The following ARHGEF7 variants were observed in gnomAD, a reference collection of about 807,000 sequenced individuals.
ARHGEF7 encodes the protein Rho guanine nucleotide exchange factor 7, also known as PAK-interacting exchange factor beta.
Under a neutral mutation model 109.8 loss-of-function variants are expected in ARHGEF7, and 33 were observed. The observed-to-expected ratio is 0.30, with a 90% confidence interval of 0.23 to 0.40. The LOEUF (loss-of-function observed/expected upper bound fraction) is 0.40. Among genes scored for constraint, ARHGEF7 ranks in the 10% least tolerant of loss-of-function variants. The probability of loss-of-function intolerance (pLI) is 1.00; values close to 1 mark genes in which losing one functional copy is unlikely to be tolerated. For synonymous variants in ARHGEF7, 458 were observed against 424.6 expected, an observed-to-expected ratio of 1.08 and a Z score of -0.97; for missense variants, 938 against 1,098.5, an observed-to-expected ratio of 0.85 and a Z score of 2.07.
Position 111,303,177 on chromosome 13 carries a change from A to T in ARHGEF7, c.*64A>T. 1 of 1,393,642 alleles carries T rather than the reference A, an allele frequency of 7.2e-7. No homozygotes were observed. The highest frequency in any genetic ancestry group is 9.6e-7 in the Non-Finnish European group (1 of 1,036,916). 86.3% of individuals were successfully genotyped at this position (1,393,642 alleles called of 1,614,324 possible). A position where few individuals can be genotyped will look rare whatever the true frequency, so the allele number is the denominator to read the frequency against. On this transcript the variant is annotated 3_prime_UTR_variant, in exon 22 of 22. Transcript: ENST00000646102. ...AGGTGAAGCTGGGCACCCCTGACCC[A>T]AGTCGGGGTGCACTCAGGACCACAG...
At chr13:111,150,948 G>A (rs933253835) in intron 1 of ARHGEF7, among the ~76,000 whole-genome samples, 1 of 152,178 alleles carries the variant, frequency 6.6e-6, no homozygotes, top group Non-Finnish European at 1.5e-5. Context: ...AGCAGTGGTG[G>A]AACCAATCCC....
chr13:111,216,478 CT>C, intron 4 of ARHGEF7, among the ~76,000 whole-genome samples: 1 of 151,560 alleles, frequency 6.6e-6, no homozygotes, highest in Non-Finnish European at 1.5e-5. Context: ...CTGGACTCTG[CT>C]GATGTCGCTG....
At chr13:111,193,538 T>G (rs183674623) in intron 2 of ARHGEF7, among the ~76,000 whole-genome samples, 2 of 152,386 alleles carry the variant, frequency 1.3e-5, no homozygotes, top group African/African-American at 4.8e-5. Flanking sequence ...TCCCTTTCTT[T>G]CCATATTGCA....
Position 111,300,753 on chromosome 13 carries a change from C to A in ARHGEF7, c.2317C>A (p.Arg773Ser). ...SYRMGSTSRS[R>S]KESAPQVLLP... ...TTATTTTTTCATGATCCTAGGTTCA[C>A]GCAAAGAATCTGCTCCACAAGTTTT... Residue 773 changes from arginine to serine, a missense_variant, in exon 20 of 22, where the codon CGC becomes AGC. By Grantham distance (110) the Arg-to-Ser change is moderately radical. This residue lies in a region of ARHGEF7 where 166 missense variants were observed against 167.3 expected (regional missense o/e 0.99). Coordinates refer to ENST00000646102, the MANE Select transcript of ARHGEF7 (RefSeq NM_001354046.2). 6.2e-7 allele frequency: 1 copy of A among 1,603,322 alleles called. No individual in the cohort carries two copies. Among genetic ancestry groups the A allele is most frequent in the Non-Finnish European group, 8.5e-7 (1 of 1,174,876 alleles).
intron 1 of ARHGEF7, among the ~76,000 whole-genome samples, chr13:111,150,376 A>G (rs1043468262): frequency 2.0e-5 from 3 of 152,186 alleles, no homozygotes; most frequent in Non-Finnish European, 2.9e-5. Context: ...CTATGCTCCC[A>G]TGTTTTGCCA....
At chr13:111,299,881 T>C (rs1292538604) in intron 19 of ARHGEF7, among the ~76,000 whole-genome samples, 1 of 152,242 alleles carries the variant, frequency 6.6e-6, no homozygotes, top group Non-Finnish European at 1.5e-5. Flanking sequence ...TGGTACCGCT[T>C]GCAGGTGCTT....
intron 4 of ARHGEF7, among the ~76,000 whole-genome samples, chr13:111,216,093 G>T (rs1223627656): frequency 2.6e-5 from 4 of 152,166 alleles, no homozygotes; most frequent in Admixed American, 2.6e-4. Flanking sequence ...GTTTATACTA[G>T]TTGGGGTTCA....
chr13:111,301,936 G>A (rs1441091180), intron 21 of ARHGEF7, among the ~76,000 whole-genome samples: 3 of 152,068 alleles, frequency 2.0e-5, no homozygotes, highest in Admixed American at 2.0e-4. Flanking sequence ...AAAACTAAAA[G>A]GAGGTCATGT....
intron 19 of ARHGEF7, among the ~76,000 whole-genome samples, chr13:111,298,084 G>A (rs1307819072): frequency 6.6e-6 from 1 of 152,244 alleles, no homozygotes; most frequent in Non-Finnish European, 1.5e-5. Context: ...AAAATTAGTT[G>A]ACTAAAATGT....
rs1229023112 is a variant in ARHGEF7, at chr13:111,131,740, G to A, written c.165+16049G>A. On this transcript the variant is annotated intron_variant, in intron 1 of 21. Coordinates refer to ENST00000646102, the MANE Select transcript of ARHGEF7 (RefSeq NM_001354046.2). The surrounding 1 kb of genome is among the most constrained non-coding windows in gnomAD (Gnocchi z 4.4). ...TGAGAGGTCAGGTGAGTGCAATTCA[G>A]AAGATTGTCTGCTGGCTTGGGCCTG... is the stretch of plus-strand genomic sequence containing the variant. 6.6e-6 allele frequency among the ~76,000 whole-genome samples: 1 copy of A among 152,112 alleles called. No individual in the cohort carries two copies.
At chr13:111,162,044 G>A (rs2076786097) in intron 2 of ARHGEF7, among the ~76,000 whole-genome samples, 1 of 152,166 alleles carries the variant, frequency 6.6e-6, no homozygotes, top group Non-Finnish European at 1.5e-5. Flanking sequence ...CCCTGATAGG[G>A]CACTGCAAGG....
At chr13:111,301,306 C>T (rs2093560759) in intron 20 of ARHGEF7, among the ~76,000 whole-genome samples, 172 bp from the exon 21 acceptor site, 1 of 152,124 alleles carries the variant, frequency 6.6e-6, no homozygotes, top group Non-Finnish European at 1.5e-5. Context: ...TAGGCTTGAA[C>T]CTGCCATGCA....
chr13:111,183,524 C>G (rs1265461130), intron 2 of ARHGEF7, among the ~76,000 whole-genome samples: 2 of 152,150 alleles, frequency 1.3e-5, no homozygotes, highest in Non-Finnish European at 2.9e-5. Flanking sequence ...AATCAAACCT[C>G]CTTTGAACTT....
intron 2 of ARHGEF7, among the ~76,000 whole-genome samples, chr13:111,173,270 C>T (rs887356625): frequency 1.3e-5 from 2 of 152,128 alleles, no homozygotes; most frequent in Non-Finnish European, 2.9e-5. Context: ...GAGGGCTGGC[C>T]GGTCTCAGAG....
chr13:111,177,876 G>A (rs1311799021), intron 2 of ARHGEF7, among the ~76,000 whole-genome samples: 2 of 152,212 alleles, frequency 1.3e-5, no homozygotes, highest in Non-Finnish European at 2.9e-5. Context: ...AAAAGTCCTT[G>A]TGAAAAATGA....
At chr13:111,116,069 G>A (rs899874644) in intron 1 of ARHGEF7, among the ~76,000 whole-genome samples, 1 of 152,218 alleles carries the variant, frequency 6.6e-6, no homozygotes, top group African/African-American at 2.4e-5. Context: ...CCGACGCGGT[G>A]CGGCTCACTC....
chr13:111,210,414 T>C (rs1304848557), intron 4 of ARHGEF7, among the ~76,000 whole-genome samples: 1 of 152,196 alleles, frequency 6.6e-6, no homozygotes, highest in East Asian at 1.9e-4. Context: ...TGGCCTTTCT[T>C]CTCTTCATGA....
chr13:111,131,788 T>C lies in ARHGEF7; in HGVS notation c.165+16097T>C, dbSNP rs924023714. Among the ~76,000 whole-genome samples the C allele has an allele frequency of 6.6e-6, 1 of 152,120 alleles. No individual in the cohort carries two copies. The highest frequency in any genetic ancestry group is 2.4e-5 in the African/African-American group (1 of 41,422). ...CTGTGCTGGGTGGGAAGGAGGGTGC[T>C]ATTCCTAGCTGTTCTAGGACAACTG... On this transcript the variant is annotated intron_variant, in intron 1 of 21. Coordinates refer to ENST00000646102, the MANE Select transcript of ARHGEF7 (RefSeq NM_001354046.2). This position sits in a 1 kb window ranked among gnomAD's most constrained non-coding sequence, Gnocchi z 4.4.
At chr13:111,160,586 C>T (rs934061113) in intron 2 of ARHGEF7, among the ~76,000 whole-genome samples, 3 of 151,894 alleles carry the variant, frequency 2.0e-5, no homozygotes, top group Admixed American at 6.6e-5. Flanking sequence ...ATGGGGATTA[C>T]AATTCAAGAT....
Sources: gnomAD v4.1 joint callset for allele counts (sites outside exome capture counted in the v4.1 genomes callset) on GRCh38, gnomAD v4.1.1 for gene constraint, gnomAD v4.1.1 regional missense constraint, Gnocchi (gnomAD v3.1) non-coding constraint, MANE v1.5 for transcripts, NCBI Gene and HGNC (gene_info 2026-07-23, HGNC 2026-07-21) for gene names.